The following TCF7L1 variants were observed in gnomAD, a reference collection of about 807,000 sequenced individuals.
TCF7L1 encodes the protein transcription factor 7-like 1.
A neutral mutation model predicts 63.7 loss-of-function variants in TCF7L1; 18 were observed. The ratio of observed to expected loss-of-function variants is 0.28; its 90% confidence interval spans 0.20 to 0.42. TCF7L1 has a LOEUF of 0.42. Ranked by LOEUF, TCF7L1 falls within the 10% of genes least tolerant of loss-of-function variation. TCF7L1 has a pLI of 1.00. For missense variants in TCF7L1, 654 were observed against 779.3 expected, an observed-to-expected ratio of 0.84 and a Z score of 1.91; for synonymous variants, 355 against 340.9, an observed-to-expected ratio of 1.04 and a Z score of -0.46.
intron 3 of TCF7L1, among the ~76,000 whole-genome samples, chr2:85,205,636 A>T (rs1679390342): frequency 6.6e-6 from 1 of 151,366 alleles, no homozygotes; most frequent in South Asian, 2.1e-4. Context: ...GGTTCAAGCG[A>T]TCCTCCCACC....
At chr2:85,187,511 TA>T (rs1678952648) in intron 3 of TCF7L1, among the ~76,000 whole-genome samples, 1 of 152,276 alleles carries the variant, frequency 6.6e-6, no homozygotes, top group Admixed American at 6.5e-5. Context: ...TTACTTTTCA[TA>T]TAAGGTGTAA....
At chr2:85,159,313 C>T (rs1678227051) in intron 3 of TCF7L1, among the ~76,000 whole-genome samples, 1 of 152,130 alleles carries the variant, frequency 6.6e-6, no homozygotes, top group African/African-American at 2.4e-5. Flanking sequence ...CCTGGGCAGA[C>T]CATTCACTTC....
Position 85,298,274 on chromosome 2 carries a change from C to T in TCF7L1, c.526-4210C>T, listed in dbSNP as rs140002372. ...TTGGGAGGTTGAGGTGGGCAGATCACGAGGTCGAGAGATCGAGACCATCCT... is the reference window on the plus strand; with the variant it reads ...TTGGGAGGTTGAGGTGGGCAGATCATGAGGTCGAGAGATCGAGACCATCCT... On this transcript the variant is annotated intron_variant, in intron 4 of 11. Transcript: ENST00000282111. Among the ~76,000 whole-genome samples, 11 of 149,432 alleles carry T rather than the reference C, an allele frequency of 7.4e-5. No homozygotes were observed. The East Asian group carries it at 1.0e-3, about 14-fold the overall frequency.
chr2:85,184,292 T>C (rs917140672), intron 3 of TCF7L1, among the ~76,000 whole-genome samples: 2 of 152,028 alleles, frequency 1.3e-5, no homozygotes, highest in African/African-American at 4.8e-5. Context: ...AGTCAGCAGA[T>C]GGGCAGTGAG....
chr2:85,250,547 G>A (rs867381221), intron 3 of TCF7L1, among the ~76,000 whole-genome samples: 1 of 151,662 alleles, frequency 6.6e-6, no homozygotes, highest in Non-Finnish European at 1.5e-5. Flanking sequence ...AGCGATTCTC[G>A]TGCCTCAGCC....
chr2:85,281,259 G>A (rs59197376), intron 3 of TCF7L1, among the ~76,000 whole-genome samples: 4 of 151,942 alleles, frequency 2.6e-5, no homozygotes, highest in Admixed American at 6.6e-5. Context: ...TCTTGACCTC[G>A]AATGATTTGC....
intron 3 of TCF7L1, among the ~76,000 whole-genome samples, chr2:85,274,055 A>G (rs1681216179): frequency 6.6e-6 from 1 of 152,178 alleles, no homozygotes; most frequent in Non-Finnish European, 1.5e-5. Flanking sequence ...CCAGGCACAC[A>G]GCGACAGGGG....
At chr2:85,299,930 G>A (rs1031415554) in intron 4 of TCF7L1, among the ~76,000 whole-genome samples, 28 of 120,598 alleles carry the variant, frequency 2.3e-4, no homozygotes, top group Non-Finnish European at 4.0e-4. Flanking sequence ...CTTAATGAAA[G>A]GAGATATGCC....
At chr2:85,199,474 A>G (rs932481701) in intron 3 of TCF7L1, among the ~76,000 whole-genome samples, 1 of 152,202 alleles carries the variant, frequency 6.6e-6, no homozygotes, top group Admixed American at 6.5e-5. Context: ...TAAAAGCTCA[A>G]ATTCTAGGGC....
intron 3 of TCF7L1, among the ~76,000 whole-genome samples, chr2:85,243,260 C>G (rs17026089): frequency 0.015 from 2,300 of 152,272 alleles, 33 homozygotes; most frequent in Middle Eastern, 0.034. Flanking sequence ...AAGGTAACAG[C>G]CTGGTGTTCC....
chr2:85,207,923 C>CG (rs1484670563), intron 3 of TCF7L1, among the ~76,000 whole-genome samples: 2 of 151,686 alleles, frequency 1.3e-5, no homozygotes, highest in African/African-American at 4.8e-5. Context: ...TTTTGGGGGG[C>CG]GGGGACAGAG....
In TCF7L1 at chr2:85,295,057, C is replaced by G. The variant is rs575162829; in HGVS notation, c.526-7427C>G. Among the ~76,000 whole-genome samples, 11 of 152,092 alleles carry G rather than the reference C, an allele frequency of 7.2e-5. No individual in the cohort carries two copies. In the South Asian group the frequency reaches 2.3e-3, roughly 32 times the overall value. ...AAAAAAAATTTTTTTAAATAAAATT[C>G]TACATAACTTCTCCATCTTCTTACC... On this transcript the variant is annotated intron_variant, in intron 4 of 11. Transcript: ENST00000282111.
At chr2:85,187,828 A>T (rs1558628096) in intron 3 of TCF7L1, among the ~76,000 whole-genome samples, 1 of 152,208 alleles carries the variant, frequency 6.6e-6, no homozygotes. Flanking sequence ...AAGGAAACTT[A>T]TACATGTGAA....
At chr2:85,183,192 G>A (rs190785181) in intron 3 of TCF7L1, among the ~76,000 whole-genome samples, 18 of 152,268 alleles carry the variant, frequency 1.2e-4, no homozygotes, top group Admixed American at 1.1e-3. Context: ...TGAAATACTA[G>A]ATATCAAAAT....
rs1574072671 is a variant in TCF7L1, at chr2:85,134,202, G to A, written c.314-121G>A. On this transcript the variant is annotated intron_variant, in intron 2 of 11. Coordinates refer to ENST00000282111, the MANE Select transcript of TCF7L1 (RefSeq NM_031283.3). This position sits in a 1 kb window ranked among gnomAD's most constrained non-coding sequence, Gnocchi z 5.0. ...CCCTTGCCCTCCGCCTTTATTGGCG[G>A]CAGCCCCCGTGGGGCGCGCGTGGGG... is the stretch of plus-strand genomic sequence containing the variant. The A allele has an allele frequency of 6.7e-7, 1 of 1,485,528 alleles. No individual in the cohort carries two copies. Among genetic ancestry groups the A allele is most frequent in the South Asian group, 1.3e-5 (1 of 74,446 alleles). 92.0% of individuals were successfully genotyped at this position (1,485,528 alleles called of 1,614,324 possible).
chr2:85,249,057 T>G (rs6547603), intron 3 of TCF7L1, among the ~76,000 whole-genome samples: 2 of 152,000 alleles, frequency 1.3e-5, no homozygotes, highest in Non-Finnish European at 2.9e-5. Context: ...TTCCGTCTCT[T>G]GTAAGTATCA....
intron 3 of TCF7L1, among the ~76,000 whole-genome samples, chr2:85,280,861 G>A (rs756361450): frequency 1.1e-4 from 16 of 152,096 alleles, no homozygotes; most frequent in Non-Finnish European, 1.8e-4. Context: ...CAAAGAGAAG[G>A]CTGCGGGTGG....
intron 3 of TCF7L1, among the ~76,000 whole-genome samples, chr2:85,272,172 C>T (rs1045203371): frequency 6.6e-6 from 1 of 152,078 alleles, no homozygotes; most frequent in Admixed American, 6.5e-5. Flanking sequence ...TGTCCAGAAG[C>T]CATATAATTG....
At chr2:85,174,593 C>G (rs1678633067) in intron 3 of TCF7L1, among the ~76,000 whole-genome samples, 1 of 152,168 alleles carries the variant, frequency 6.6e-6, no homozygotes, top group Admixed American at 6.5e-5. Context: ...TGTGGCTGTT[C>G]TGTGCTGGTG....
Sources: gnomAD v4.1 joint callset for allele counts (sites outside exome capture counted in the v4.1 genomes callset) on GRCh38, gnomAD v4.1.1 for gene constraint, Gnocchi (gnomAD v3.1) non-coding constraint, MANE v1.5 for transcripts, NCBI Gene and HGNC (gene_info 2026-07-23, HGNC 2026-07-21) for gene names.